KAT6A: variants seen among roughly 807,000 people sequenced by gnomAD.
The protein encoded by KAT6A is lysine acetyltransferase 6A.
Under a neutral mutation model 198.4 loss-of-function variants are expected in KAT6A, and 9 were observed. The observed-to-expected ratio is 0.05, with a 90% CI of 0.03 to 0.08. KAT6A has a LOEUF of 0.08. KAT6A is among the 10% of genes least tolerant of loss of function. The pLI is 1.00. For missense variants in KAT6A, 2,077 were observed against 2,509.9 expected, an observed-to-expected ratio of 0.83 and a Z score of 3.69; for synonymous variants, 890 against 883.0, an observed-to-expected ratio of 1.01 and a Z score of -0.14.
chr8:41,942,255 G>A (rs1054139328), intron 14 of KAT6A: 6 of 221,948 alleles, frequency 2.7e-5, no homozygotes, highest in African/African-American at 1.3e-4. Flanking sequence ...ACATACACAA[G>A]TTTACAATAG....
chr8:41,977,284 C>A lies in KAT6A; in HGVS notation c.1087G>T (p.Gly363Cys). ...FSKVRTGPGR[G>C]RKRKITLSSQ... ...GAAAGAGTGATTTTTCGTTTCCTAC[C>A]CCTTCCAGGGCCAGTTCGAACTTTG... The change falls in exon 7 of 17, where the codon GGT (glycine) becomes TGT (cysteine). Residue 363 changes from glycine to cysteine, a missense_variant. Coordinates refer to ENST00000265713, the MANE Select transcript of KAT6A (RefSeq NM_006766.5). 6.2e-7 allele frequency: 1 copy of A among 1,613,992 alleles called. No individual in the cohort carries two copies. The highest frequency in any genetic ancestry group is 8.5e-7 in the Non-Finnish European group (1 of 1,179,956).
intron 2 of KAT6A, among the ~76,000 whole-genome samples, chr8:42,016,273 G>A (rs931113626): frequency 6.6e-6 from 1 of 152,154 alleles, no homozygotes; most frequent in East Asian, 1.9e-4. Flanking sequence ...ACACATTCAG[G>A]AACTGCGTGC....
chr8:42,009,911 A>AC (rs1564062897), intron 2 of KAT6A, among the ~76,000 whole-genome samples: 1 of 139,064 alleles, frequency 7.2e-6, no homozygotes, highest in African/African-American at 2.7e-5. Flanking sequence ...AAAAAAAAAA[A>AC]AAACAAAAAA....
intron 2 of KAT6A, among the ~76,000 whole-genome samples, chr8:42,013,964 G>A (rs978789379): frequency 2.0e-5 from 3 of 152,164 alleles, no homozygotes; most frequent in South Asian, 2.1e-4. Context: ...CAAGTCTGCC[G>A]CGGTACCGTG....
chr8:41,980,021 T>A (rs978390076), intron 5 of KAT6A, among the ~76,000 whole-genome samples: 1 of 152,140 alleles, frequency 6.6e-6, no homozygotes, highest in Non-Finnish European at 1.5e-5. Context: ...AAACCTAAAG[T>A]GTTAACATGA....
chr8:41,979,254 T>A (rs1824224631), intron 5 of KAT6A, among the ~76,000 whole-genome samples: 1 of 152,058 alleles, frequency 6.6e-6, no homozygotes, highest in South Asian at 2.1e-4. Flanking sequence ...GGCGACAGAG[T>A]GAGACTCCGT....
chr8:41,972,505 TG>T (rs1448785274), intron 8 of KAT6A, among the ~76,000 whole-genome samples: 1 of 152,186 alleles, frequency 6.6e-6, no homozygotes, highest in Non-Finnish European at 1.5e-5. Context: ...GGATATTACA[TG>T]CCTTCTGATG....
intron 2 of KAT6A, among the ~76,000 whole-genome samples, chr8:41,996,306 G>C (rs1008366990): frequency 1.3e-5 from 2 of 152,140 alleles, no homozygotes; most frequent in Non-Finnish European, 2.9e-5. Flanking sequence ...GTTTCTAAAA[G>C]CTACAAAATT....
intron 3 of KAT6A, among the ~76,000 whole-genome samples, chr8:41,982,330 A>C (rs1382752252): frequency 6.6e-6 from 1 of 152,150 alleles, no homozygotes; most frequent in Non-Finnish European, 1.5e-5. Flanking sequence ...ATATACAAAA[A>C]AGCTGTTTAC....
At chr8:42,016,391 CT>C (rs1826272611) in intron 2 of KAT6A, among the ~76,000 whole-genome samples, 1 of 152,162 alleles carries the variant, frequency 6.6e-6, no homozygotes, top group East Asian at 1.9e-4. Context: ...TTAGTTAAAC[CT>C]TTCCCTTATA....
At chr8:42,016,412 C>T (rs1418965430) in intron 2 of KAT6A, among the ~76,000 whole-genome samples, 2 of 152,148 alleles carry the variant, frequency 1.3e-5, no homozygotes, top group Non-Finnish European at 2.9e-5. Context: ...AACAAATTTG[C>T]ACACAATGTA....
chr8:41,976,936 G>T, intron 7 of KAT6A, 72 bp downstream of exon 7: 1 of 1,196,932 alleles, frequency 8.4e-7, no homozygotes, highest in South Asian at 1.6e-5. Flanking sequence ...ATCCATTATA[G>T]ATAATTAGTG....
At chr8:42,041,644 A>G (rs1827674607) in intron 2 of KAT6A, among the ~76,000 whole-genome samples, 1 of 152,128 alleles carries the variant, frequency 6.6e-6, no homozygotes, top group African/African-American at 2.4e-5. Context: ...GGGGAGAGGC[A>G]GTAGAATTGC....
intron 2 of KAT6A, among the ~76,000 whole-genome samples, chr8:41,989,915 G>C (rs895556463): frequency 2.6e-5 from 4 of 152,232 alleles, no homozygotes; most frequent in African/African-American, 9.6e-5. Context: ...GAGACTGAGA[G>C]ATGAACGGCT....
intron 2 of KAT6A, among the ~76,000 whole-genome samples, chr8:41,992,760 C>T (rs780193170): frequency 3.2e-4 from 49 of 152,132 alleles, no homozygotes; most frequent in South Asian, 1.0e-3. Flanking sequence ...AGACTGAGAA[C>T]AGTATCGCAA....
chr8:42,028,304 G>T (rs899465874), intron 2 of KAT6A, among the ~76,000 whole-genome samples: 3 of 152,130 alleles, frequency 2.0e-5, no homozygotes, highest in African/African-American at 4.8e-5. Context: ...CTGCACAGCT[G>T]ACCTGCCCAA....
In KAT6A at chr8:41,985,294, G is replaced by C. The variant is rs115024958; in HGVS notation, c.709+2161C>G. Among the ~76,000 whole-genome samples the C allele has an allele frequency of 8.3e-3, 1,261 of 152,254 alleles. 17 individuals are homozygous for C. The highest frequency in any genetic ancestry group is 0.029 in the African/African-American group (1,220 of 41,516). ...ATCCATCCAGAGTTCATTCTGGTTTGTGACAACACGCTGGATATGACTACC... is the reference window on the plus strand; with the variant it reads ...ATCCATCCAGAGTTCATTCTGGTTTCTGACAACACGCTGGATATGACTACC... On this transcript the variant is annotated intron_variant, in intron 3 of 16. Transcript: ENST00000265713.
At chr8:41,984,664 T>A (rs1434242795) in intron 3 of KAT6A, among the ~76,000 whole-genome samples, 3 of 152,172 alleles carry the variant, frequency 2.0e-5, no homozygotes, top group Non-Finnish European at 2.9e-5. Flanking sequence ...TAGTTAATTG[T>A]TCTACAATTT....
chr8:42,043,099 T>A (rs1359865795), intron 2 of KAT6A, among the ~76,000 whole-genome samples: 1 of 152,238 alleles, frequency 6.6e-6, no homozygotes, highest in Admixed American at 6.5e-5. Flanking sequence ...AAAAAAGGCT[T>A]TCAAAAAATT....
Sources: allele counts gnomAD v4.1 joint callset (sites outside exome capture counted in the v4.1 genomes callset), GRCh38; gene constraint gnomAD v4.1.1; transcripts MANE v1.5; gene names NCBI Gene and HGNC (gene_info 2026-07-23, HGNC 2026-07-21).